Variants in UNC79 observed in about 807,000 individuals in gnomAD.
UNC79 encodes unc-79 subunit of NALCN channel complex.
Under a neutral mutation model 283.1 loss-of-function variants are expected in UNC79, and 37 were observed. The ratio of observed to expected loss-of-function variants is 0.13; its 90% CI spans 0.10 to 0.17. The LOEUF is 0.17. Among genes scored for constraint, UNC79 ranks in the 10% least tolerant of loss-of-function variants. The pLI, the probability that UNC79 is intolerant of heterozygous loss-of-function variation, is 1.00. For missense variants in UNC79, 2,272 were observed against 3,211.1 expected (o/e 0.71, Z 7.07); for synonymous variants, 1,107 against 1,200.2 (o/e 0.92, Z 1.61).
At chr14:93,401,022 T>C (rs61991339) in intron 1 of UNC79, among the ~76,000 whole-genome samples, 17,230 of 152,006 alleles carry the variant, frequency 0.11, 1,252 homozygotes, top group Middle Eastern at 0.19. Context: ...GGAAGAGGTG[T>C]TGATGGGGAT....
At chr14:93,551,610 TTAAG>T (rs1241031826) in intron 14 of UNC79, among the ~76,000 whole-genome samples, 2 of 152,208 alleles carry the variant, frequency 1.3e-5, no homozygotes, top group Non-Finnish European at 2.9e-5. Context: ...CTGGAATTGT[TTAAG>T]TAAGAGGCAT....
At chr14:93,630,521 T>A (rs1407982699) in intron 30 of UNC79, among the ~76,000 whole-genome samples, 1 of 152,216 alleles carries the variant, frequency 6.6e-6, no homozygotes, top group Non-Finnish European at 1.5e-5. Flanking sequence ...AGGAATTTGT[T>A]TGGGGATATG....
chr14:93,681,892 T>G (rs2073872802), intron 41 of UNC79, among the ~76,000 whole-genome samples: 1 of 152,220 alleles, frequency 6.6e-6, no homozygotes, highest in Admixed American at 6.5e-5. Context: ...TCTCAAGTCA[T>G]AACTGGCTAA....
At chr14:93,366,239 C>T (rs1595392648) in intron 1 of UNC79, among the ~76,000 whole-genome samples, 1 of 152,182 alleles carries the variant, frequency 6.6e-6, no homozygotes, top group Admixed American at 6.5e-5. Flanking sequence ...TGTTCCTTCC[C>T]TTCCTTGTCT....
chr14:93,556,762 T>G (rs903065370), intron 14 of UNC79, among the ~76,000 whole-genome samples: 1 of 152,118 alleles, frequency 6.6e-6, no homozygotes, highest in African/African-American at 2.4e-5. Flanking sequence ...GCCTTTTAAA[T>G]GTATGTATAG....
rs912763452 is a variant in UNC79 at position 93,687,943 on chromosome 14, T to C, written c.6910-722T>C. Among the ~76,000 whole-genome samples, 11 of 152,084 alleles carry C rather than the reference T, an allele frequency of 7.2e-5. 1 individual carries two copies. Among genetic ancestry groups the C allele is most frequent in the African/African-American group, 2.7e-4 (11 of 41,422 alleles). On this transcript the variant is annotated intron_variant, in intron 43 of 48. Transcript: ENST00000555664. ...CATATTGGGAAACAAATCAGAAGGA[T>C]CAAGTGGCAAGTGGCTTATCTAAGG...
At chr14:93,643,765 C>G (rs2069295453) in intron 34 of UNC79, 68 bp downstream of exon 37, 1 of 1,570,946 alleles carries the variant, frequency 6.4e-7, no homozygotes, top group African/African-American at 1.4e-5. Context: ...GAACTAAAAA[C>G]TACCAGTTCA....
chr14:93,437,560 G>T (rs1301751592), intron 1 of UNC79: 1 of 152,180 alleles, frequency 6.6e-6, no homozygotes, highest in Non-Finnish European at 1.5e-5. Flanking sequence ...TTCTAGAGCT[G>T]CTGTAATGAA....
chr14:93,349,541 G>A (rs541442266), intron 1 of UNC79, among the ~76,000 whole-genome samples: 1 of 152,184 alleles, frequency 6.6e-6, no homozygotes, highest in South Asian at 2.1e-4. Context: ...CTTAAGTTTT[G>A]ATTTCCCAAT....
chr14:93,656,804 C>G (rs919914158), intron 38 of UNC79, among the ~76,000 whole-genome samples: 8 of 152,152 alleles, frequency 5.3e-5, no homozygotes, highest in African/African-American at 1.4e-4. Context: ...TGCCACTGCA[C>G]TCCAGCCTGG....
At chr14:93,505,659 A>G (rs2059498070) in intron 7 of UNC79, among the ~76,000 whole-genome samples, 1 of 151,544 alleles carries the variant, frequency 6.6e-6, no homozygotes, top group Non-Finnish European at 1.5e-5. Flanking sequence ...TTACTGGTAT[A>G]TTTGACTTTA....
At chr14:93,404,579 A>C (rs1469698495) in intron 1 of UNC79, among the ~76,000 whole-genome samples, 1 of 144,616 alleles carries the variant, frequency 6.9e-6, no homozygotes, top group African/African-American at 2.5e-5. Flanking sequence ...ATAGAAACAC[A>C]ATCCATATTT....
At chr14:93,555,706 G>T (rs189266960) in intron 14 of UNC79, among the ~76,000 whole-genome samples, 19 of 152,272 alleles carry the variant, frequency 1.2e-4, no homozygotes, top group African/African-American at 3.9e-4. Context: ...ACCTGGCCAA[G>T]ATTTCTTTCT....
At chr14:93,405,080 C>T (rs867265322) in intron 1 of UNC79, among the ~76,000 whole-genome samples, 5 of 151,976 alleles carry the variant, frequency 3.3e-5, no homozygotes, top group South Asian at 2.1e-4. Context: ...GTCGGTAGTT[C>T]GAGACCCGCC....
At position 93,482,908 on chromosome 14, in the gene UNC79, G is replaced by A. The variant is rs113721864; in HGVS notation, c.620-4755G>A. Among the ~76,000 whole-genome samples, 1,341 of 152,130 alleles carry A rather than the reference G, an allele frequency of 8.8e-3. 25 individuals are homozygous for A. The highest frequency in any genetic ancestry group is 0.031 in the African/African-American group (1,271 of 41,498). The stretch of plus-strand genomic sequence containing the variant: ...CCGTTACTCTTACAAATCAAATTCA[G>A]TGCCCTTCCTTAGCTCACAGGCCCT... On this transcript the variant is annotated intron_variant, in intron 4 of 48. Coordinates refer to ENST00000555664, the Ensembl canonical transcript of UNC79.
In UNC79 at chr14:93,617,955, C is replaced by T. The variant is rs574552597; in HGVS notation, c.4225-237C>T. 6.6e-6 allele frequency among the ~76,000 whole-genome samples: 1 copy of T among 152,228 alleles called. No homozygotes were observed. The highest frequency in any genetic ancestry group is 1.9e-4 in the East Asian group (1 of 5,186). ...GGCTGAGGTGGGAGGATCACCTGAGCCCGGTAGGCTGCTATGATCACGCCA... is the reference window on the plus strand; with the variant it reads ...GGCTGAGGTGGGAGGATCACCTGAGTCCGGTAGGCTGCTATGATCACGCCA... On this transcript the variant is annotated intron_variant, in intron 28 of 48. Coordinates refer to ENST00000555664, the Ensembl canonical transcript of UNC79. This position sits in a 1 kb window ranked among gnomAD's most constrained non-coding sequence, Gnocchi z 4.5.
At chr14:93,625,172 C>G (rs2067465577) in intron 30 of UNC79, among the ~76,000 whole-genome samples, 1 of 152,108 alleles carries the variant, frequency 6.6e-6, no homozygotes, top group Non-Finnish European at 1.5e-5. Context: ...CCCAGCTCTC[C>G]CTGAGGACAT....
At chr14:93,683,298 G>A (rs1049118375) in intron 42 of UNC79, among the ~76,000 whole-genome samples, 1 of 152,182 alleles carries the variant, frequency 6.6e-6, no homozygotes, top group Non-Finnish European at 1.5e-5. Context: ...CGGGGATCAG[G>A]TTTCTTCCAT....
In UNC79 at chr14:93,415,313, G is replaced by C. The variant is rs1316067314; in HGVS notation, c.-350-52358G>C. ...TGTCTTTGGTTCTGTTTATATGCTG[G>C]ATTACATGTATTGATTTGTGTATAT... is the stretch of plus-strand genomic sequence containing the variant. On this transcript the variant is annotated intron_variant, in intron 1 of 49. Coordinates refer to the UNC79 transcript ENST00000256339. Among the ~76,000 whole-genome samples the C allele has an allele frequency of 2.6e-5, 4 of 152,262 alleles. No individual in the cohort carries two copies. The East Asian group carries it at 7.7e-4, about 29-fold the overall frequency.
Sources: gnomAD v4.1 joint callset for allele counts (sites outside exome capture counted in the v4.1 genomes callset) on GRCh38, gnomAD v4.1.1 for gene constraint, Gnocchi (gnomAD v3.1) non-coding constraint, MANE v1.5 for transcripts, NCBI Gene and HGNC (gene_info 2026-07-23, HGNC 2026-07-21) for gene names.